Variants in EFCAB6 observed in about 807,000 individuals in gnomAD.
The protein encoded by EFCAB6 is EF-hand calcium-binding domain-containing protein 6.
EFCAB6 carries 156 observed loss-of-function variants against 169.8 expected under a neutral mutation model. The ratio of observed to expected loss-of-function variants is 0.92; its 90% CI spans 0.81 to 1.05. The LOEUF is 1.05. Ranked by LOEUF, EFCAB6 falls within the 50% of genes least tolerant of loss-of-function variation. The pLI, the probability that EFCAB6 is intolerant of heterozygous loss-of-function variation, is 0.00. For synonymous variants in EFCAB6, 698 were observed against 676.4 expected, an observed-to-expected ratio of 1.03 and a Z score of -0.50; for missense variants, 1,800 against 1,829.1, an observed-to-expected ratio of 0.98 and a Z score of 0.29.
At chr22:43,659,134 C>G (rs1046406227) in intron 17 of EFCAB6, among the ~76,000 whole-genome samples, 2 of 152,236 alleles carry the variant, frequency 1.3e-5, no homozygotes, top group Non-Finnish European at 2.9e-5. Flanking sequence ...GTGAGGATTT[C>G]TTATGCGCTC....
chr22:43,546,597 G>A (rs984349095), intron 27 of EFCAB6, among the ~76,000 whole-genome samples: 10 of 152,180 alleles, frequency 6.6e-5, no homozygotes, highest in African/African-American at 1.2e-4. Flanking sequence ...CAGGCCGGGC[G>A]TGGTGGCTCA....
intron 27 of EFCAB6, among the ~76,000 whole-genome samples, chr22:43,551,228 A>C (rs1016650663): frequency 1.3e-5 from 2 of 152,206 alleles, no homozygotes; most frequent in Non-Finnish European, 2.9e-5. Flanking sequence ...CCTTCGACCA[A>C]GAAGGTCCCC....
chr22:43,804,758 C>CAAAAAAAAA (rs57008458), intron 2 of EFCAB6, among the ~76,000 whole-genome samples: 1 of 127,056 alleles, frequency 7.9e-6, no homozygotes, highest in Non-Finnish European at 1.6e-5. Context: ...AGCCCTGCCT[C>CAAAAAAAAA]AAAAAAAAAA....
chr22:43,550,748 G>A (rs2048333450), intron 27 of EFCAB6, among the ~76,000 whole-genome samples: 1 of 151,342 alleles, frequency 6.6e-6, no homozygotes, highest in Non-Finnish European at 1.5e-5. Context: ...AAGTCATCAA[G>A]CAATCACTGT....
chr22:43,690,749 C>T (rs1674786125), intron 10 of EFCAB6, among the ~76,000 whole-genome samples: 2 of 151,728 alleles, frequency 1.3e-5, no homozygotes, highest in East Asian at 2.0e-4. Flanking sequence ...CTTCCCTGCC[C>T]TCGGTCCCTT....
chr22:43,648,012 C>T (rs972202827), intron 17 of EFCAB6, among the ~76,000 whole-genome samples: 1 of 152,178 alleles, frequency 6.6e-6, no homozygotes, highest in Middle Eastern at 3.4e-3. Flanking sequence ...TATAACTGCC[C>T]TAGGAAACTA....
Position 43,537,751 on chromosome 22 carries a change from T to C in EFCAB6, c.3880-206A>G, listed in dbSNP as rs535384587. ...GGCTATATGTACTTATGCCAAGCCA[T>C]AATAACCAAAATAATTTTGGAAATA... On this transcript the variant is annotated intron_variant, in intron 28 of 31. Transcript: ENST00000262726. The surrounding 1 kb of genome is among the most constrained non-coding windows in gnomAD (Gnocchi z 4.3). Among the ~76,000 whole-genome samples, 1 of 152,282 alleles carries C rather than the reference T, an allele frequency of 6.6e-6. No individual in the cohort carries two copies. Among genetic ancestry groups the C allele is most frequent in the South Asian group, 2.1e-4 (1 of 4,824 alleles).
chr22:43,582,488 G>A (rs996543922), intron 24 of EFCAB6, among the ~76,000 whole-genome samples: 1 of 152,142 alleles, frequency 6.6e-6, no homozygotes, highest in Non-Finnish European at 1.5e-5. Context: ...TGTGTGTGAA[G>A]AAGAATTTAA....
At chr22:43,658,767 G>C (rs1360568627) in intron 17 of EFCAB6, among the ~76,000 whole-genome samples, 3 of 152,036 alleles carry the variant, frequency 2.0e-5, no homozygotes, top group African/African-American at 7.2e-5. Context: ...GTTGTGTAGG[G>C]CTTGGACTGA....
intron 20 of EFCAB6, among the ~76,000 whole-genome samples, chr22:43,625,454 G>A (rs1003080111): frequency 6.6e-6 from 1 of 152,174 alleles, no homozygotes; most frequent in Admixed American, 6.5e-5. Context: ...GTCGGCTCTC[G>A]GCAGATCTCA....
At chr22:43,698,293 G>T (rs368021941) in intron 10 of EFCAB6, among the ~76,000 whole-genome samples, 9 of 152,288 alleles carry the variant, frequency 5.9e-5, no homozygotes, top group Admixed American at 6.5e-5. Context: ...AGATTACACT[G>T]GATCCCTGCC....
In EFCAB6 at chr22:43,615,843, A is replaced by T; in HGVS notation, c.2545T>A (p.Trp849Arg). 3 of 1,613,492 alleles carry T rather than the reference A, an allele frequency of 1.9e-6. No homozygotes were observed. The highest frequency in any genetic ancestry group is 2.5e-6 in the Non-Finnish European group (3 of 1,179,810). The change falls in exon 21 of 32, where the codon TGG becomes AGG. Residue 849 changes from tryptophan to arginine, a missense_variant. Physicochemically the swap from Trp to Arg is moderately radical, Grantham distance 101 (BLOSUM62 -3). Transcript: ENST00000262726. Reference protein sequence around the residue: ...QYLVTKAKNRWSDLSKNFLET... With the variant: ...QYLVTKAKNRRSDLSKNFLET... ...TTTCTTACCTTAGACAAGTCTGACCATCTGTTTTTTGCTTTGGTAACAAGA... is the reference window on the plus strand; with the variant it reads ...TTTCTTACCTTAGACAAGTCTGACCTTCTGTTTTTTGCTTTGGTAACAAGA...
At chr22:43,695,517 C>T (rs537162164) in intron 10 of EFCAB6, among the ~76,000 whole-genome samples, 3 of 151,978 alleles carry the variant, frequency 2.0e-5, no homozygotes, top group Non-Finnish European at 4.4e-5. Context: ...GACAAAGAAC[C>T]TAGAATAGTC....
intron 10 of EFCAB6, among the ~76,000 whole-genome samples, chr22:43,692,814 A>T (rs1445365439): frequency 2.0e-5 from 3 of 152,168 alleles, no homozygotes; most frequent in Non-Finnish European, 4.4e-5. Context: ...TGGGACAGAA[A>T]AAAATATTTG....
At chr22:43,539,124 C>T (rs1330586717) in intron 28 of EFCAB6, among the ~76,000 whole-genome samples, 2 of 151,808 alleles carry the variant, frequency 1.3e-5, no homozygotes, top group Non-Finnish European at 2.9e-5. Context: ...TTACCCTGAG[C>T]CCACCTGCTT....
At chr22:43,774,438 G>A (rs2061573868) in intron 3 of EFCAB6, among the ~76,000 whole-genome samples, 1 of 151,582 alleles carries the variant, frequency 6.6e-6, no homozygotes, top group Non-Finnish European at 1.5e-5. Context: ...GCTCTGGGGG[G>A]CACTTCCACG....
intron 23 of EFCAB6, among the ~76,000 whole-genome samples, chr22:43,591,111 G>GTTTTTTT: frequency 1.5e-5 from 2 of 131,120 alleles, no homozygotes; most frequent in African/African-American, 2.7e-5. Flanking sequence ...TTTGTTTTTT[G>GTTTTTTT]TTTTTTTTTT....
At chr22:43,675,409 G>GCTAT (rs2057700694) in intron 13 of EFCAB6, among the ~76,000 whole-genome samples, 11 of 97,612 alleles carry the variant, frequency 1.1e-4, no homozygotes, top group African/African-American at 3.5e-4. Context: ...TATAATATAG[G>GCTAT]ATTTATAATA....
intron 18 of EFCAB6, among the ~76,000 whole-genome samples, chr22:43,633,697 C>T (rs996668233): frequency 3.3e-5 from 5 of 152,196 alleles, no homozygotes. Context: ...TTCTCTGCAC[C>T]TGTTGCTCCT....
Sources: gnomAD v4.1 joint callset for allele counts (sites outside exome capture counted in the v4.1 genomes callset) on GRCh38, gnomAD v4.1.1 for gene constraint, Gnocchi (gnomAD v3.1) non-coding constraint, MANE v1.5 for transcripts, NCBI Gene and HGNC (gene_info 2026-07-23, HGNC 2026-07-21) for gene names.